Variants in FRRS1 observed in about 807,000 individuals in gnomAD.
FRRS1 encodes ferric reductase 1.
In FRRS1, 51 loss-of-function variants were observed where a neutral mutation model predicts 70.7. The observed-to-expected ratio is 0.72, with a 90% CI of 0.58 to 0.91. FRRS1 has a LOEUF of 0.91. Among genes scored for constraint, FRRS1 ranks in the 40% least tolerant of loss-of-function variants. The pLI is 0.00. For synonymous variants in FRRS1, 225 were observed against 238.7 expected (o/e 0.94, Z 0.53); for missense variants, 672 against 726.0 (o/e 0.93, Z 0.86).
intron 9 of FRRS1, among the ~76,000 whole-genome samples, chr1:99,721,163 G>T (rs957392586): frequency 1.3e-4 from 20 of 152,104 alleles, no homozygotes; most frequent in African/African-American, 3.9e-4. Flanking sequence ...GGTGGATCAC[G>T]AGGTCAAGAG....
chr1:99,736,535 C>T (rs369250485), intron 7 of FRRS1, among the ~76,000 whole-genome samples: 18 of 149,626 alleles, frequency 1.2e-4, no homozygotes, highest in South Asian at 2.1e-4. Flanking sequence ...AACCAAACAC[C>T]GCATGTTCTC....
At chr1:99,749,275 C>T (rs1557704531) in intron 1 of FRRS1, among the ~76,000 whole-genome samples, 2 of 152,212 alleles carry the variant, frequency 1.3e-5, no homozygotes, top group Non-Finnish European at 2.9e-5. Context: ...ATCCGCCCAC[C>T]TTGGCCTCCC....
At chr1:99,712,614 C>A in intron 12 of FRRS1, 99 bp from the exon 13 acceptor site, 1 of 612,796 alleles carries the variant, frequency 1.6e-6, no homozygotes, top group Non-Finnish European at 2.8e-6. Context: ...TAGTATTTTT[C>A]CATGGCTTTA....
rs951688956 is a variant in FRRS1, at chr1:99,724,558, T to A, written c.1006+3935A>T. 2.6e-5 allele frequency among the ~76,000 whole-genome samples: 4 copies of A among 152,350 alleles called. No homozygotes were observed. In the East Asian group the frequency reaches 7.7e-4, roughly 29 times the overall value. The stretch of plus-strand genomic sequence containing the variant: ...ATTTATACGGGTTACAGAGATTATA[T>A]GATAGCTTTGAAAATTGGCTTAAAC... On this transcript the variant is annotated intron_variant, in intron 9 of 16. Transcript: ENST00000646001.
chr1:99,706,891 CA>C lies in FRRS1; in HGVS notation c.*2136del, dbSNP rs386367804. ...TAGACAACAGAGTGAGACTTTGTCA[CA>C]AAAAAAAAAAAGAGAGAATTTTTCT... On this transcript the variant is annotated 3_prime_UTR_variant, in exon 17 of 17. Coordinates refer to ENST00000646001, the MANE Select transcript of FRRS1 (RefSeq NM_001361041.2). Among the ~76,000 whole-genome samples the C allele has an allele frequency of 0.037, 4,560 of 123,234 alleles. 182 individuals are homozygous for C. Among genetic ancestry groups the C allele is most frequent in the African/African-American group, 0.11 (4,007 of 37,860 alleles). 80.8% of individuals were successfully genotyped at this position (123,234 alleles called of 152,430 possible). A position where few individuals can be genotyped will look rare whatever the true frequency, so the allele number is the denominator to read the frequency against.
intron 15 of FRRS1, among the ~76,000 whole-genome samples, chr1:99,710,007 A>G (rs2100896947): frequency 6.6e-6 from 1 of 152,282 alleles, no homozygotes; most frequent in Middle Eastern, 3.4e-3. Context: ...AGTAAGCCAT[A>G]ATTCAGTGGT....
chr1:99,717,869 G>T (rs1571100563), intron 10 of FRRS1, among the ~76,000 whole-genome samples: 1 of 152,248 alleles, frequency 6.6e-6, no homozygotes, highest in East Asian at 1.9e-4. Context: ...CTCTTCTGAG[G>T]TTACAAAGTT....
At chr1:99,716,069 A>C (rs191913693) in intron 11 of FRRS1, among the ~76,000 whole-genome samples, 62 of 152,388 alleles carry the variant, frequency 4.1e-4, no homozygotes, top group Admixed American at 1.6e-3. Flanking sequence ...CAAACAAAAA[A>C]TACTGTCTCC....
At chr1:99,741,971 T>C (rs1193689747) in intron 5 of FRRS1, among the ~76,000 whole-genome samples, 4 of 152,238 alleles carry the variant, frequency 2.6e-5, no homozygotes, top group South Asian at 2.1e-4. Context: ...CAGAAAATGA[T>C]ACAGACTAAT....
Position 99,706,786 on chromosome 1 carries a change from C to G in FRRS1, c.*2242G>C, listed in dbSNP as rs974559918. Among the ~76,000 whole-genome samples, 1 of 151,710 alleles carries G rather than the reference C, an allele frequency of 6.6e-6. No homozygotes were observed. The highest frequency in any genetic ancestry group is 1.5e-5 in the Non-Finnish European group (1 of 67,950). On this transcript the variant is annotated 3_prime_UTR_variant, in exon 17 of 17. Coordinates refer to ENST00000646001, the MANE Select transcript of FRRS1 (RefSeq NM_001361041.2). ...GTGCACACCTGTAGTCCCAGCTATT[C>G]AGGAGACTGAGACAAGACTCGCTTG...
chr1:99,709,792 A>G (rs148909747), intron 15 of FRRS1, among the ~76,000 whole-genome samples: 1 of 152,262 alleles, frequency 6.6e-6, no homozygotes, highest in Non-Finnish European at 1.5e-5. Context: ...ACAAAGTGAG[A>G]CCCTGTCTCT....
At chr1:99,746,820 C>T (rs182449650) in intron 4 of FRRS1, among the ~76,000 whole-genome samples, 3 of 151,996 alleles carry the variant, frequency 2.0e-5, no homozygotes, top group African/African-American at 4.8e-5. Context: ...TTTAAGAAAA[C>T]GAAAAAACAA....
At chr1:99,752,609 T>C (rs1000130434) in intron 1 of FRRS1, among the ~76,000 whole-genome samples, 3 of 152,134 alleles carry the variant, frequency 2.0e-5, no homozygotes, top group Non-Finnish European at 4.4e-5. Flanking sequence ...ATGAAAAAGT[T>C]TAGAAACTTG....
intron 7 of FRRS1, among the ~76,000 whole-genome samples, chr1:99,736,402 T>A (rs947065863): frequency 2.6e-5 from 4 of 152,172 alleles, no homozygotes; most frequent in Admixed American, 2.6e-4. Flanking sequence ...TTAAGGTATA[T>A]CTTTTGTTTA....
At chr1:99,726,247 G>A (rs1655074544) in intron 9 of FRRS1, among the ~76,000 whole-genome samples, 1 of 152,124 alleles carries the variant, frequency 6.6e-6, no homozygotes, top group Non-Finnish European at 1.5e-5. Context: ...TGCCATGATT[G>A]TAAGTTTCCT....
Position 99,708,822 on chromosome 1 carries a change from T to C in FRRS1, c.*206A>G. ...TTCCTTTAAGACCCAGAATTACATA[T>C]AGGGCATGACATTAATTTATAGTCT... On this transcript the variant is annotated 3_prime_UTR_variant, in exon 17 of 17. Coordinates refer to ENST00000646001, the MANE Select transcript of FRRS1 (RefSeq NM_001361041.2). 1 of 947,444 alleles carries C rather than the reference T, an allele frequency of 1.1e-6. No individual in the cohort carries two copies. The highest frequency in any genetic ancestry group is 1.6e-6 in the Non-Finnish European group (1 of 607,722). The allele number at this position is 947,444 out of a possible 1,614,324, so 58.7% of individuals were successfully genotyped here.
intron 12 of FRRS1, among the ~76,000 whole-genome samples, chr1:99,712,909 T>G (rs1445603735): frequency 7.2e-6 from 1 of 138,112 alleles, no homozygotes; most frequent in Non-Finnish European, 1.5e-5. Context: ...GTTTTTGCAG[T>G]TTTTTTTCAA....
intron 10 of FRRS1, among the ~76,000 whole-genome samples, chr1:99,717,987 A>G (rs1168227727): frequency 6.6e-6 from 1 of 152,240 alleles, no homozygotes; most frequent in East Asian, 1.9e-4. Flanking sequence ...TCCAAAAGGC[A>G]GTGAAAAACA....
chr1:99,704,849 C>T lies in FRRS1; in HGVS notation c.*4179G>A, dbSNP rs937709195. Among the ~76,000 whole-genome samples the T allele has an allele frequency of 1.3e-5, 2 of 152,118 alleles. No homozygotes were observed. Among genetic ancestry groups the T allele is most frequent in the South Asian group, 2.1e-4 (1 of 4,812 alleles). ...CGGGGCAATCAGAGGAGAGCCCAGG[C>T]AGTCTAGCGGCCCAACTCCAGGGGA... On this transcript the variant is annotated 3_prime_UTR_variant, in exon 17 of 17. Transcript: ENST00000646001.
Sources: gnomAD v4.1 joint callset for allele counts (sites outside exome capture counted in the v4.1 genomes callset) on GRCh38, gnomAD v4.1.1 for gene constraint, MANE v1.5 for transcripts, NCBI Gene and HGNC (gene_info 2026-07-23, HGNC 2026-07-21) for gene names.